Variants in GRM3 observed in about 807,000 individuals in gnomAD.
GRM3 encodes the protein metabotropic glutamate receptor 3.
In GRM3, 26 loss-of-function variants were observed where a neutral mutation model predicts 70.5. The observed-to-expected ratio is 0.37, with a 90% confidence interval of 0.27 to 0.51. The LOEUF (loss-of-function observed/expected upper bound fraction) is 0.51. Among genes scored for constraint, GRM3 ranks in the 20% least tolerant of loss-of-function variants. The pLI, the probability that GRM3 is intolerant of heterozygous loss-of-function variation, is 0.93. For synonymous variants in GRM3, 443 were observed against 434.9 expected (o/e 1.02, Z -0.23); for missense variants, 859 against 1,123.8 (o/e 0.76, Z 3.37).
intron 2 of GRM3, among the ~76,000 whole-genome samples, chr7:86,767,553 AT>A (rs1562854619): frequency 4.4e-5 from 6 of 135,282 alleles, no homozygotes; most frequent in East Asian, 2.2e-4. Flanking sequence ...ATATATATAT[AT>A]ATATAAATGA....
At chr7:86,698,690 T>C (rs1004500793) in intron 1 of GRM3, among the ~76,000 whole-genome samples, 1 of 151,842 alleles carries the variant, frequency 6.6e-6, no homozygotes, top group Non-Finnish European at 1.5e-5. Flanking sequence ...AAGTGGTGAA[T>C]GTCTGCTGAG....
chr7:86,796,640 T>C (rs1797557376), intron 3 of GRM3, among the ~76,000 whole-genome samples: 1 of 152,224 alleles, frequency 6.6e-6, no homozygotes, highest in Non-Finnish European at 1.5e-5. Context: ...AATCTATAAA[T>C]TACTTTGGGC....
chr7:86,760,471 G>A (rs1796451763), intron 1 of GRM3, among the ~76,000 whole-genome samples: 1 of 152,048 alleles, frequency 6.6e-6, no homozygotes, highest in African/African-American at 2.4e-5. Context: ...CAATTCTCCA[G>A]CTGCATATGA....
chr7:86,728,029 T>C (rs1489269824), intron 1 of GRM3, among the ~76,000 whole-genome samples: 2 of 152,192 alleles, frequency 1.3e-5, no homozygotes, highest in African/African-American at 4.8e-5. Flanking sequence ...TAAAGTGTAT[T>C]GTCTCTAAAT....
intron 1 of GRM3, among the ~76,000 whole-genome samples, chr7:86,680,404 A>T (rs991682333): frequency 6.6e-6 from 1 of 152,118 alleles, no homozygotes; most frequent in Non-Finnish European, 1.5e-5. Flanking sequence ...TACCTTAATA[A>T]AGCTCAAATT....
Position 86,765,297 on chromosome 7 carries a change from G to A in GRM3, c.152G>A (p.Gly51Asp), listed in dbSNP as rs1388245354. The change falls in exon 2 of 6, where the codon GGC becomes GAC. Residue 51 changes from glycine (G) to aspartate (D), a missense_variant. Transcript: ENST00000361669. ...GGCCTGTTTCCTATTAACGAAAAAG[G>A]CACTGGAACTGAAGAATGTGGGCGA... ...LGGLFPINEK[G>D]TGTEECGRIN... 6.2e-7 allele frequency: 1 copy of A among 1,613,826 alleles called. No individual in the cohort carries two copies. The highest frequency in any genetic ancestry group is 8.5e-7 in the Non-Finnish European group (1 of 1,179,838).
At chr7:86,800,339 T>A (rs143403805) in intron 3 of GRM3, among the ~76,000 whole-genome samples, 3 of 152,034 alleles carry the variant, frequency 2.0e-5, no homozygotes, top group African/African-American at 7.2e-5. Context: ...CTTTACAATA[T>A]CAATAAATCC....
At chr7:86,782,534 T>A (rs908915805) in intron 2 of GRM3, among the ~76,000 whole-genome samples, 1 of 152,242 alleles carries the variant, frequency 6.6e-6, no homozygotes, top group African/African-American at 2.4e-5. Flanking sequence ...TCCTGAAACA[T>A]AATTTCAAAT....
chr7:86,676,699 T>C (rs998040692), intron 1 of GRM3, among the ~76,000 whole-genome samples: 3 of 151,506 alleles, frequency 2.0e-5, no homozygotes, highest in Non-Finnish European at 2.9e-5. Context: ...GGTGAAAGAG[T>C]AGCAAAATTT....
chr7:86,663,429 G>A (rs1405193457), intron 1 of GRM3, among the ~76,000 whole-genome samples: 3 of 151,952 alleles, frequency 2.0e-5, no homozygotes, highest in South Asian at 2.1e-4. Context: ...TAAGCCATTG[G>A]AAGTTGCTAT....
rs573942187 is a variant in GRM3, at chr7:86,666,001, T to A, written c.-141+21129T>A. Among the ~76,000 whole-genome samples the A allele has an allele frequency of 5.9e-5, 9 of 152,200 alleles. No individual in the cohort carries two copies. In the East Asian group the frequency reaches 1.5e-3, roughly 26 times the overall value. On this transcript the variant is annotated intron_variant, in intron 1 of 5. Transcript: ENST00000361669. ...TGTGAATATTCTTACCCTCTAATCATTTTTATCTAAATTATATTGTAATCA... is the reference window on the plus strand; with the variant it reads ...TGTGAATATTCTTACCCTCTAATCAATTTTATCTAAATTATATTGTAATCA...
At chr7:86,701,627 G>A (rs911307278) in intron 1 of GRM3, among the ~76,000 whole-genome samples, 1 of 151,708 alleles carries the variant, frequency 6.6e-6, no homozygotes, top group African/African-American at 2.4e-5. Flanking sequence ...TTTATTCAAA[G>A]GGTAAAAGAT....
intron 1 of GRM3, among the ~76,000 whole-genome samples, chr7:86,650,272 G>A (rs1359207875): frequency 6.6e-6 from 1 of 152,066 alleles, no homozygotes; most frequent in Admixed American, 6.5e-5. Context: ...AGTTAACAAG[G>A]CTGCAACTGG....
chr7:86,646,144 C>G (rs1190650062), intron 1 of GRM3, among the ~76,000 whole-genome samples: 1 of 151,974 alleles, frequency 6.6e-6, no homozygotes, highest in African/African-American at 2.4e-5. Context: ...TCTAGATTGC[C>G]ACTATGCTAA....
At chr7:86,843,112 G>T (rs578038884) in intron 4 of GRM3, among the ~76,000 whole-genome samples, 9 of 152,124 alleles carry the variant, frequency 5.9e-5, no homozygotes, top group Non-Finnish European at 1.3e-4. Flanking sequence ...TTATTTGCTT[G>T]GGCAAAAAAG....
chr7:86,805,942 C>G (rs1797782487), intron 3 of GRM3, among the ~76,000 whole-genome samples: 1 of 150,940 alleles, frequency 6.6e-6, no homozygotes, highest in Non-Finnish European at 1.5e-5. Flanking sequence ...TGTTCCCCAC[C>G]CTGTGTCCAA....
chr7:86,758,252 G>A (rs1263619966), intron 1 of GRM3, among the ~76,000 whole-genome samples: 2 of 152,026 alleles, frequency 1.3e-5, no homozygotes, highest in Non-Finnish European at 2.9e-5. Context: ...ATTGCCAATT[G>A]GTAAAAATAT....
intron 1 of GRM3, among the ~76,000 whole-genome samples, chr7:86,716,362 G>A (rs572542528): frequency 7.9e-5 from 12 of 152,082 alleles, no homozygotes; most frequent in South Asian, 2.1e-4. Context: ...CTTAGTATAC[G>A]TATTATTCCA....
chr7:86,665,511 C>T (rs968955080), intron 1 of GRM3, among the ~76,000 whole-genome samples: 2 of 151,982 alleles, frequency 1.3e-5, no homozygotes, highest in African/African-American at 4.8e-5. Context: ...CTAGTAGTAA[C>T]AATATCTTAC....
Sources: allele counts gnomAD v4.1 joint callset (sites outside exome capture counted in the v4.1 genomes callset), GRCh38; gene constraint gnomAD v4.1.1; transcripts MANE v1.5; gene names NCBI Gene and HGNC (gene_info 2026-07-23, HGNC 2026-07-21).